Variants in NGLY1 observed in about 807,000 individuals in gnomAD.
The protein encoded by NGLY1 is peptide-N(4)-(N-acetyl-beta-glucosaminyl)asparagine amidase.
Under a neutral mutation model 84.6 loss-of-function variants are expected in NGLY1, and 68 were observed. The ratio of observed to expected loss-of-function variants is 0.80; its 90% CI spans 0.66 to 0.98. The LOEUF (loss-of-function observed/expected upper bound fraction) is 0.98. Among genes scored for constraint, NGLY1 ranks in the 50% least tolerant of loss-of-function variants. The pLI, the probability that NGLY1 is intolerant of heterozygous loss-of-function variation, is 0.00. For missense variants in NGLY1, 779 were observed against 770.2 expected (o/e 1.01, Z -0.14); for synonymous variants, 280 against 275.2 (o/e 1.02, Z -0.17).
chr3:25,778,819 TG>T (rs1708268858), intron 1 of NGLY1, 131 bp from the exon 2 acceptor site: 1 of 450,542 alleles, frequency 2.2e-6, no homozygotes, highest in Non-Finnish European at 4.0e-6. Context: ...CCTAAACCAA[TG>T]GTTGTTTTTA....
intron 6 of NGLY1, 41 bp downstream of exon 6, chr3:25,737,293 T>A: frequency 6.6e-7 from 1 of 1,525,056 alleles, no homozygotes; most frequent in Non-Finnish European, 8.8e-7. Context: ...CCTGCAAGCC[T>A]GCAAAGCCCT....
At chr3:25,771,813 G>A (rs1472591682) in intron 2 of NGLY1, among the ~76,000 whole-genome samples, 2 of 152,140 alleles carry the variant, frequency 1.3e-5, no homozygotes, top group African/African-American at 4.8e-5. Context: ...AAGGAGTTGA[G>A]TTCTTGATTC....
intron 2 of NGLY1, among the ~76,000 whole-genome samples, chr3:25,766,892 T>C (rs1273891223): frequency 1.3e-5 from 2 of 152,164 alleles, no homozygotes; most frequent in Non-Finnish European, 2.9e-5. Context: ...AAAGAAGATA[T>C]AATTATGGCC....
intron 2 of NGLY1, among the ~76,000 whole-genome samples, chr3:25,772,233 C>T (rs1009847689): frequency 6.6e-6 from 1 of 152,160 alleles, no homozygotes; most frequent in South Asian, 2.1e-4. Context: ...CTGTCTAGTG[C>T]TGTCAGTGAG....
chr3:25,736,626 G>A, intron 6 of NGLY1: 2 of 372,818 alleles, frequency 5.4e-6, no homozygotes, highest in Admixed American at 4.3e-5. Flanking sequence ...TTTAGAAAAT[G>A]GAAACACAAG....
intron 4 of NGLY1, among the ~76,000 whole-genome samples, chr3:25,742,595 T>C (rs767428550): frequency 2.0e-5 from 3 of 152,178 alleles, no homozygotes; most frequent in African/African-American, 4.8e-5. Context: ...AACAGGAAGA[T>C]ATTCATGAAT....
At chr3:25,737,543 A>AT in intron 5 of NGLY1, 88 bp from the exon 6 acceptor site, 2 of 1,235,540 alleles carry the variant, frequency 1.6e-6, no homozygotes, top group Non-Finnish European at 2.2e-6. Flanking sequence ...AGAAATGTTT[A>AT]ATTTTTTTTT....
intron 1 of NGLY1, among the ~76,000 whole-genome samples, chr3:25,782,563 G>A (rs1708467484): frequency 6.6e-6 from 1 of 152,108 alleles, no homozygotes; most frequent in Admixed American, 6.5e-5. Context: ...CAATTTTGCT[G>A]ACAGGAGAAT....
At chr3:25,742,466 C>T (rs1706196841) in intron 4 of NGLY1, among the ~76,000 whole-genome samples, 2 of 152,140 alleles carry the variant, frequency 1.3e-5, no homozygotes, top group South Asian at 4.1e-4. Context: ...CCCCACACAA[C>T]TTAAACTATT....
At chr3:25,769,910 T>C (rs979339157) in intron 2 of NGLY1, among the ~76,000 whole-genome samples, 1 of 152,272 alleles carries the variant, frequency 6.6e-6, no homozygotes, top group Non-Finnish European at 1.5e-5. Context: ...CAACTAAAAG[T>C]ATAGTCTTTT....
intron 1 of NGLY1, among the ~76,000 whole-genome samples, chr3:25,781,629 G>C (rs764995599): frequency 3.9e-5 from 6 of 152,258 alleles, no homozygotes; most frequent in South Asian, 2.1e-4. Flanking sequence ...GCTGTGAGGC[G>C]GAGGTTGCAG....
chr3:25,723,402 T>G (rs1158148788), intron 10 of NGLY1, among the ~76,000 whole-genome samples: 3 of 152,204 alleles, frequency 2.0e-5, no homozygotes, highest in Non-Finnish European at 4.4e-5. Context: ...AAGAACAGTA[T>G]ATGGAGATAA....
intron 3 of NGLY1, among the ~76,000 whole-genome samples, chr3:25,751,823 T>C (rs1455243803): frequency 1.3e-5 from 2 of 152,240 alleles, no homozygotes; most frequent in African/African-American, 4.8e-5. Flanking sequence ...GGTTGGACTC[T>C]GGAGGAACAG....
intron 11 of NGLY1, 54 bp from the exon 12 acceptor site, chr3:25,719,689 C>T: frequency 4.9e-6 from 7 of 1,425,246 alleles, no homozygotes; most frequent in Non-Finnish European, 6.8e-6. Context: ...TTAAAGAGCA[C>T]AGATCATTTT....
At chr3:25,738,856 T>C (rs1271884448) in intron 5 of NGLY1, among the ~76,000 whole-genome samples, 1 of 152,166 alleles carries the variant, frequency 6.6e-6, no homozygotes, top group Non-Finnish European at 1.5e-5. Context: ...TTTCCTTGAC[T>C]GATAATACAA....
intron 10 of NGLY1, among the ~76,000 whole-genome samples, chr3:25,723,753 ATTT>A (rs1470196775): frequency 1.3e-5 from 2 of 152,156 alleles, no homozygotes; most frequent in Admixed American, 1.3e-4. Context: ...GCTTTAAAAA[ATTT>A]TTTTTAAATT....
At chr3:25,721,046 T>C (rs181208766) in intron 10 of NGLY1, among the ~76,000 whole-genome samples, 1 of 152,368 alleles carries the variant, frequency 6.6e-6, no homozygotes, top group Non-Finnish European at 1.5e-5. Context: ...TTAATGCAAT[T>C]GACTACTGTT....
intron 5 of NGLY1, among the ~76,000 whole-genome samples, chr3:25,738,339 T>C (rs2125481702): frequency 6.6e-6 from 1 of 152,318 alleles, no homozygotes; most frequent in South Asian, 2.1e-4. Context: ...TGGAAGTTGT[T>C]TTTTGGGATC....
intron 4 of NGLY1, among the ~76,000 whole-genome samples, chr3:25,747,746 TAC>T (rs2125504218): frequency 6.6e-6 from 1 of 152,202 alleles, no homozygotes; most frequent in South Asian, 2.1e-4. Context: ...TCCAAAAAGA[TAC>T]ACAAATATAG....
Sources: allele counts gnomAD v4.1 joint callset (sites outside exome capture counted in the v4.1 genomes callset), GRCh38; gene constraint gnomAD v4.1.1; transcripts MANE v1.5; gene names NCBI Gene and HGNC (gene_info 2026-07-23, HGNC 2026-07-21).